The following PHTF2 variants were observed in gnomAD, a reference collection of about 807,000 sequenced individuals.
PHTF2 encodes the protein protein PHTF2.
Under a neutral mutation model 101.2 loss-of-function variants are expected in PHTF2, and 60 were observed. That is an observed-to-expected ratio of 0.59 (90% CI 0.48 to 0.73). The LOEUF is 0.73. Ranked by LOEUF, PHTF2 falls within the 30% of genes least tolerant of loss-of-function variation. PHTF2 has a pLI of 0.00. For missense variants in PHTF2, 747 were observed against 908.7 expected, an observed-to-expected ratio of 0.82 and a Z score of 2.29; for synonymous variants, 311 against 307.3, an observed-to-expected ratio of 1.01 and a Z score of -0.13.
intron 12 of PHTF2, among the ~76,000 whole-genome samples, chr7:77,930,447 G>A (rs553622978): frequency 7.3e-6 from 1 of 136,236 alleles, no homozygotes; most frequent in Non-Finnish European, 1.6e-5. Flanking sequence ...CTACTCACTA[G>A]TCCAGAAACT....
chr7:77,878,937 A>G (rs1335890405), intron 3 of PHTF2, among the ~76,000 whole-genome samples: 1 of 152,200 alleles, frequency 6.6e-6, no homozygotes. Flanking sequence ...ATCTAGATCT[A>G]GCTAGGTAGG....
chr7:77,862,592 T>C (rs538766102), intron 3 of PHTF2, among the ~76,000 whole-genome samples: 18 of 152,344 alleles, frequency 1.2e-4, no homozygotes, highest in African/African-American at 4.1e-4. Flanking sequence ...TGAATAGAGC[T>C]GAAGTTCTTT....
intron 3 of PHTF2, among the ~76,000 whole-genome samples, chr7:77,876,800 G>A (rs772919771): frequency 1.6e-4 from 25 of 152,192 alleles, no homozygotes; most frequent in Non-Finnish European, 3.4e-4. Context: ...CAGCTACGCA[G>A]GAGGCTGAGA....
At chr7:77,886,438 A>G (rs1799853106) in intron 3 of PHTF2, among the ~76,000 whole-genome samples, 3 of 151,680 alleles carry the variant, frequency 2.0e-5, no homozygotes, top group African/African-American at 7.3e-5. Flanking sequence ...CTACCTACCA[A>G]TCCTCCCGTT....
At chr7:77,825,339 G>A (rs1244387380) in intron 1 of PHTF2, among the ~76,000 whole-genome samples, 1 of 152,160 alleles carries the variant, frequency 6.6e-6, no homozygotes, top group African/African-American at 2.4e-5. Context: ...AAAATATTGC[G>A]ATATCTCATT....
In PHTF2 at chr7:77,831,084, A is replaced by G. The variant is rs762484395; in HGVS notation, c.-35-9137A>G. Among the ~76,000 whole-genome samples the G allele has an allele frequency of 3.9e-5, 6 of 152,256 alleles. No individual in the cohort carries two copies. The South Asian group carries it at 1.0e-3, about 26-fold the overall frequency. On this transcript the variant is annotated intron_variant, in intron 1 of 19. Coordinates refer to ENST00000416283, the Ensembl canonical transcript of PHTF2. ...AGAGTCCCACTTAAATTATGGGTTC[A>G]TTGCAACAGGTGATTCACATTCTCT...
chr7:77,918,305 AG>A (rs1293275274), intron 9 of PHTF2, among the ~76,000 whole-genome samples: 6 of 152,040 alleles, frequency 3.9e-5, no homozygotes, highest in Non-Finnish European at 2.9e-5. Context: ...GCTGGCCTCC[AG>A]GCTCATGTTT....
At chr7:77,850,822 T>G (rs1156600422) in intron 2 of PHTF2, among the ~76,000 whole-genome samples, 1 of 152,118 alleles carries the variant, frequency 6.6e-6, no homozygotes, top group Non-Finnish European at 1.5e-5. Flanking sequence ...TTTATTGTGT[T>G]GAGGTATGTT....
intron 3 of PHTF2, among the ~76,000 whole-genome samples, chr7:77,873,461 C>A (rs2150724279): frequency 6.6e-6 from 1 of 152,238 alleles, no homozygotes; most frequent in South Asian, 2.1e-4. Context: ...TCAACCCCCC[C>A]ATCTCTAGGG....
At chr7:77,901,892 C>T (rs1290035253) in exon 7 of PHTF2, 3 of 1,596,532 alleles carry the variant, frequency 1.9e-6, no homozygotes, top group Non-Finnish European at 2.6e-6. Context: ...TCATCTTTTT[C>T]TGGCTTCTTG....
intron 2 of PHTF2, among the ~76,000 whole-genome samples, chr7:77,852,689 G>A (rs1796864237): frequency 6.6e-6 from 1 of 152,064 alleles, no homozygotes; most frequent in Non-Finnish European, 1.5e-5. Flanking sequence ...AGTGTGTTTT[G>A]TACCTTCAGA....
Position 77,954,854 on chromosome 7 carries a change from C to A in PHTF2, c.2338-4C>A. On this transcript the variant is annotated splice_region_variant and splice_polypyrimidine_tract_variant and intron_variant, in intron 19 of 19. Coordinates refer to ENST00000416283, the Ensembl canonical transcript of PHTF2. The stretch of plus-strand genomic sequence containing the variant: ...TGTCACCACTTCTATTTTTTTTTTT[C>A]TAGCTATGGAAGATTAAGTCATGAC... 7.1e-7 allele frequency: 1 copy of A among 1,417,536 alleles called. No homozygotes were observed. The highest frequency in any genetic ancestry group is 9.6e-7 in the Non-Finnish European group (1 of 1,046,782). 87.8% of individuals were successfully genotyped at this position (1,417,536 alleles called of 1,614,324 possible).
At chr7:77,811,656 A>G (rs1793450818) in intron 1 of PHTF2, among the ~76,000 whole-genome samples, 2 of 152,124 alleles carry the variant, frequency 1.3e-5, no homozygotes, top group African/African-American at 4.8e-5. Context: ...TGTCTCTATG[A>G]TTCTTTGAGC....
intron 11 of PHTF2, 58 bp from the exon 11 acceptor site, chr7:77,929,051 C>A: frequency 7.8e-7 from 1 of 1,280,870 alleles, no homozygotes; most frequent in Non-Finnish European, 1.1e-6. Context: ...TGATAGTATC[C>A]TTTGAGTTGG....
intron 12 of PHTF2, among the ~76,000 whole-genome samples, chr7:77,936,269 A>C (rs1351624596): frequency 6.6e-6 from 1 of 152,208 alleles, no homozygotes; most frequent in Non-Finnish European, 1.5e-5. Context: ...TTTGTCCTCT[A>C]AAGAATAAAT....
chr7:77,895,594 T>C (rs1326765275), intron 5 of PHTF2, among the ~76,000 whole-genome samples: 7 of 152,162 alleles, frequency 4.6e-5, no homozygotes, highest in Non-Finnish European at 1.0e-4. Context: ...AGAAAAAATA[T>C]ATATAAATAA....
Position 77,908,774 on chromosome 7 carries a change from T to C in PHTF2, c.446-19T>C. 1 of 1,494,810 alleles carries C rather than the reference T, an allele frequency of 6.7e-7. No homozygotes were observed. The highest frequency in any genetic ancestry group is 9.1e-7 in the Non-Finnish European group (1 of 1,101,942). The allele number at this position is 1,494,810 out of a possible 1,614,324, so 92.6% of individuals were successfully genotyped here. ...CTATCAGATCTATAATTAAGCATATTTTCTTTCCCTTTTTATAGTTGCTGC... is the reference window on the plus strand; with the variant it reads ...CTATCAGATCTATAATTAAGCATATCTTCTTTCCCTTTTTATAGTTGCTGC... On this transcript the variant is annotated intron_variant, in intron 7 of 19. Transcript: ENST00000416283.
Position 77,908,971 on chromosome 7 carries a change from A to G in PHTF2, c.611+13A>G. On this transcript the variant is annotated intron_variant, in intron 8 of 19. Transcript: ENST00000416283. ...GTAAAAGAAGAAGGTACTGTTTTTT[A>G]AAAAGTAATCTTTTTGTACATTTAT... is the stretch of plus-strand genomic sequence containing the variant. 6.4e-7 allele frequency: 1 copy of G among 1,560,416 alleles called. No individual in the cohort carries two copies. The highest frequency in any genetic ancestry group is 8.7e-7 in the Non-Finnish European group (1 of 1,145,832).
chr7:77,868,306 G>A (rs1385993733), intron 3 of PHTF2, among the ~76,000 whole-genome samples: 1 of 147,688 alleles, frequency 6.8e-6, no homozygotes, highest in African/African-American at 2.5e-5. Flanking sequence ...CCTCGCAAGT[G>A]GCTAATTAAA....
Sources: gnomAD v4.1 joint callset for allele counts (sites outside exome capture counted in the v4.1 genomes callset) on GRCh38, gnomAD v4.1.1 for gene constraint, MANE v1.5 for transcripts, NCBI Gene and HGNC (gene_info 2026-07-23, HGNC 2026-07-21) for gene names.